The following POU2F3 variants were observed in gnomAD, a reference collection of about 807,000 sequenced individuals.
The protein encoded by POU2F3 is POU class 2 homeobox 3, also known as POU domain, class 2, transcription factor 3.
A neutral mutation model predicts 59.2 loss-of-function variants in POU2F3; 23 were observed. The ratio of observed to expected loss-of-function variants is 0.39; its 90% CI spans 0.28 to 0.55. The LOEUF (loss-of-function observed/expected upper bound fraction) is 0.55, where lower values mean the gene tolerates loss of function less well. Among genes scored for constraint, POU2F3 ranks in the 20% least tolerant of loss-of-function variants. The pLI, the probability that POU2F3 is intolerant of heterozygous loss-of-function variation, is 0.66. For synonymous variants in POU2F3, 190 were observed against 214.6 expected (o/e 0.89, Z 1.00); for missense variants, 473 against 544.5 (o/e 0.87, Z 1.31).
chr11:120,309,382 A>C, intron 9 of POU2F3, 43 bp from the exon 10 acceptor site: 2 of 1,548,502 alleles, frequency 1.3e-6, no homozygotes, highest in Non-Finnish European at 1.8e-6. Flanking sequence ...CCTGCCCCTG[A>C]TTCCCTTCTC....
chr11:120,263,245 A>G (rs1409481332), intron 2 of POU2F3, among the ~76,000 whole-genome samples: 2 of 152,132 alleles, frequency 1.3e-5, no homozygotes, highest in Non-Finnish European at 2.9e-5. Flanking sequence ...CCACCCTGGC[A>G]TCCCAAAGTG....
At chr11:120,305,478 C>A in intron 7 of POU2F3, 166 bp from the exon 8 acceptor site, 1 of 1,155,230 alleles carries the variant, frequency 8.7e-7, no homozygotes, top group Non-Finnish European at 1.2e-6. Flanking sequence ...GAGAAAGAAA[C>A]CGATTCTTCA....
At position 120,299,001 on chromosome 11, in the gene POU2F3, C is replaced by T. The variant is rs143170014; in HGVS notation, c.258+611C>T. ...AACCTAAGCTCAACCTCATGGGGCA[C>T]AGAGCTCTGGCGTCTCCATTGCAGA... On this transcript the variant is annotated intron_variant, in intron 4 of 12. Coordinates refer to ENST00000543440, the MANE Select transcript of POU2F3 (RefSeq NM_014352.4). Among the ~76,000 whole-genome samples, 29 of 152,296 alleles carry T rather than the reference C, an allele frequency of 1.9e-4. No homozygotes were observed. In the East Asian group the frequency reaches 5.4e-3, roughly 28 times the overall value.
intron 3 of POU2F3, among the ~76,000 whole-genome samples, chr11:120,277,529 A>G (rs1165087518): frequency 6.6e-6 from 1 of 150,648 alleles, no homozygotes; most frequent in Non-Finnish European, 1.5e-5. Flanking sequence ...TAATCCCAGC[A>G]CTTTGGGAGG....
At chr11:120,251,526 C>T (rs1270275533) in intron 2 of POU2F3, among the ~76,000 whole-genome samples, 2 of 152,182 alleles carry the variant, frequency 1.3e-5, no homozygotes, top group Non-Finnish European at 2.9e-5. Context: ...TAGGTAGCCT[C>T]TAGGATCTGC....
intron 3 of POU2F3, among the ~76,000 whole-genome samples, chr11:120,287,876 T>A (rs961407719): frequency 2.0e-5 from 3 of 152,002 alleles, no homozygotes; most frequent in Admixed American, 6.6e-5. Flanking sequence ...AAATGAGACC[T>A]CAAGCCAGGC....
chr11:120,278,151 T>C (rs531717044), intron 3 of POU2F3, among the ~76,000 whole-genome samples: 2 of 152,052 alleles, frequency 1.3e-5, no homozygotes, highest in African/African-American at 4.8e-5. Context: ...AAAAATAGAG[T>C]TGGGTTTTGG....
At chr11:120,312,687 A>T (rs1161811573) in intron 10 of POU2F3, among the ~76,000 whole-genome samples, 2 of 152,172 alleles carry the variant, frequency 1.3e-5, no homozygotes, top group Non-Finnish European at 2.9e-5. Flanking sequence ...TCCAGTGGTG[A>T]ACCGCACACG....
intron 1 of POU2F3, among the ~76,000 whole-genome samples, chr11:120,242,298 C>T (rs1422113486): frequency 6.6e-6 from 1 of 152,146 alleles, no homozygotes; most frequent in Non-Finnish European, 1.5e-5. Flanking sequence ...CTGGGTCCTC[C>T]TGGTGGCCTT....
intron 3 of POU2F3, among the ~76,000 whole-genome samples, chr11:120,276,277 G>C (rs1200822014): frequency 1.3e-5 from 2 of 152,218 alleles, no homozygotes; most frequent in Non-Finnish European, 2.9e-5. Flanking sequence ...AGACACAGAA[G>C]AGTACATCAT....
At chr11:120,268,295 A>G (rs1021417944) in intron 2 of POU2F3, among the ~76,000 whole-genome samples, 1 of 152,094 alleles carries the variant, frequency 6.6e-6, no homozygotes, top group Non-Finnish European at 1.5e-5. Context: ...ACTACTTTAG[A>G]CTTTTTCTGA....
At chr11:120,249,443 C>T (rs1179648560) in intron 2 of POU2F3, among the ~76,000 whole-genome samples, 2 of 152,200 alleles carry the variant, frequency 1.3e-5, no homozygotes, top group Non-Finnish European at 2.9e-5. Context: ...ACTCCTGGCT[C>T]AAGGGATTCT....
chr11:120,279,678 A>G (rs1940484203), intron 3 of POU2F3, among the ~76,000 whole-genome samples: 1 of 152,228 alleles, frequency 6.6e-6, no homozygotes, highest in East Asian at 1.9e-4. Context: ...CCTGAGGCTC[A>G]GGTGTCAACT....
intron 5 of POU2F3, chr11:120,302,017 C>G (rs925910688): frequency 6.8e-5 from 28 of 409,758 alleles, no homozygotes; most frequent in Non-Finnish European, 1.1e-4. Context: ...GCCTCTACGC[C>G]TCTCCAGACA....
intron 2 of POU2F3, among the ~76,000 whole-genome samples, chr11:120,251,559 T>C (rs1316272684): frequency 6.6e-6 from 1 of 152,070 alleles, no homozygotes; most frequent in South Asian, 2.1e-4. Context: ...ACTGGCTCCA[T>C]CCCTCACCTC....
chr11:120,271,820 G>T, intron 3 of POU2F3, among the ~76,000 whole-genome samples: 1 of 152,170 alleles, frequency 6.6e-6, no homozygotes, highest in East Asian at 1.9e-4. Flanking sequence ...GGGGTGAGTT[G>T]TCCCCTCCCT....
intron 2 of POU2F3, among the ~76,000 whole-genome samples, chr11:120,252,114 G>A (rs921430603): frequency 1.3e-4 from 20 of 151,264 alleles, no homozygotes; most frequent in African/African-American, 4.9e-4. Context: ...ATTCCTACAG[G>A]ATGCCATCCT....
intron 10 of POU2F3, among the ~76,000 whole-genome samples, chr11:120,312,160 T>C (rs10892561): frequency 0.65 from 98,910 of 152,004 alleles, 32,626 homozygotes; most frequent in Admixed American, 0.7. Context: ...TTTTGCTCTT[T>C]TTGCCCAGGC....
At chr11:120,280,958 G>T (rs11217784) in intron 3 of POU2F3, among the ~76,000 whole-genome samples, 2 of 152,170 alleles carry the variant, frequency 1.3e-5, no homozygotes, top group African/African-American at 4.8e-5. Flanking sequence ...GGCAGTGTTT[G>T]CCTGTGTGTG....
Sources: allele counts gnomAD v4.1 joint callset (sites outside exome capture counted in the v4.1 genomes callset), GRCh38; gene constraint gnomAD v4.1.1; transcripts MANE v1.5; gene names NCBI Gene and HGNC (gene_info 2026-07-23, HGNC 2026-07-21).